TCF3: variants seen among roughly 807,000 people sequenced by gnomAD.
TCF3 encodes the protein transcription factor E2-alpha.
Under a neutral mutation model 72.3 loss-of-function variants are expected in TCF3, and 54 were observed. The ratio of observed to expected loss-of-function variants is 0.75; its 90% CI spans 0.60 to 0.94. TCF3 has a LOEUF of 0.94. TCF3 is among the 40% of genes least tolerant of loss of function. The probability of loss-of-function intolerance (pLI) is 0.00; values close to 1 mark genes in which losing one functional copy is unlikely to be tolerated. For synonymous variants in TCF3, 525 were observed against 412.6 expected, an observed-to-expected ratio of 1.27 and a Z score of -3.30; for missense variants, 1,078 against 934.4, an observed-to-expected ratio of 1.15 and a Z score of -2.00.
At chr19:1,632,220 T>C in intron 4 of TCF3, 104 bp from the exon 5 acceptor site, 1 of 1,548,384 alleles carries the variant, frequency 6.5e-7, no homozygotes, top group South Asian at 1.2e-5. Flanking sequence ...TGTCCCCCAG[T>C]CCAAACCCCT....
Position 1,622,417 on chromosome 19 carries a change from TGCGG to T in TCF3, c.550-6_550-3del. 1.5e-6 allele frequency: 1 copy of T among 682,122 alleles called. No homozygotes were observed. The highest frequency in any genetic ancestry group is 2.1e-6 in the Non-Finnish European group (1 of 471,028). The allele number at this position is 682,122 out of a possible 1,614,324, so 42.3% of individuals were successfully genotyped here. A position where few individuals can be genotyped will look rare whatever the true frequency, so the allele number is the denominator to read the frequency against. ...CTCACCTGAGCTGGGTGGGTACACC[TGCGG>T]GCGGGTGGGCGGTGGGGGGTGCAGT... is the stretch of plus-strand genomic sequence containing the variant. On this transcript the variant is annotated splice_region_variant and splice_polypyrimidine_tract_variant and intron_variant, in intron 8 of 18. Coordinates refer to ENST00000262965, the MANE Select transcript of TCF3 (RefSeq NM_003200.5).
intron 3 of TCF3, among the ~76,000 whole-genome samples, chr19:1,642,298 ACACACACC>A (rs1456479218): frequency 6.6e-6 from 1 of 150,986 alleles, no homozygotes; most frequent in Non-Finnish European, 1.5e-5. Context: ...ACACGCACAG[ACACACACC>A]CGCACGCACA....
intron 1 of TCF3, among the ~76,000 whole-genome samples, chr19:1,652,009 C>G (rs1193667272): frequency 1.3e-5 from 2 of 150,734 alleles, no homozygotes; most frequent in Non-Finnish European, 3.0e-5. Context: ...CACAGCCCGT[C>G]CGGCGCCCCC....
chr19:1,631,030 G>C (rs979140830), intron 5 of TCF3, among the ~76,000 whole-genome samples: 1 of 152,210 alleles, frequency 6.6e-6, no homozygotes, highest in Non-Finnish European at 1.5e-5. Flanking sequence ...CCCAAGCGTC[G>C]GTTCGTTCCC....
At chr19:1,620,743 G>A (rs2062091474) in intron 13 of TCF3, among the ~76,000 whole-genome samples, 1 of 152,168 alleles carries the variant, frequency 6.6e-6, no homozygotes, top group African/African-American at 2.4e-5. Context: ...TTGCCCAGTG[G>A]AACACAAGCC....
chr19:1,635,427 G>A (rs183647236), intron 3 of TCF3, among the ~76,000 whole-genome samples: 9 of 152,060 alleles, frequency 5.9e-5, no homozygotes, highest in East Asian at 5.8e-4. Flanking sequence ...GCTCCCCACC[G>A]TCCTCAGGAT....
At chr19:1,638,106 G>C (rs987996880) in intron 3 of TCF3, among the ~76,000 whole-genome samples, 5 of 152,154 alleles carry the variant, frequency 3.3e-5, no homozygotes, top group African/African-American at 7.2e-5. Flanking sequence ...ATTTAATTAC[G>C]AATCAAGAGA....
intron 3 of TCF3, among the ~76,000 whole-genome samples, chr19:1,642,483 G>A (rs762976908): frequency 1.3e-5 from 2 of 152,164 alleles, no homozygotes; most frequent in Admixed American, 1.3e-4. Flanking sequence ...TGTGAATCCC[G>A]AAAGACTTCA....
At position 1,622,298 on chromosome 19, in the gene TCF3, C is replaced by T. The variant is rs548256939; in HGVS notation, c.652+15G>A. On this transcript the variant is annotated intron_variant, in intron 9 of 18. Transcript: ENST00000262965. ...TGCCCTACCGTCCCTGGCGAGCCCC[C>T]GCCCTGCCATGTACCTGCCACGTAG... 2.2e-5 allele frequency: 34 copies of T among 1,513,306 alleles called. No homozygotes were observed. Among genetic ancestry groups the T allele is most frequent in the Non-Finnish European group, 2.7e-5 (30 of 1,128,722 alleles). 93.7% of individuals were successfully genotyped at this position (1,513,306 alleles called of 1,614,324 possible).
Position 1,619,986 on chromosome 19 carries a change from C to T in TCF3, c.1094-133G>A, listed in dbSNP as rs951808705. 5.1e-6 allele frequency: 4 copies of T among 779,230 alleles called. No homozygotes were observed. The African/African-American group carries it at 5.2e-5, about 10-fold the overall frequency. 48.3% of individuals were successfully genotyped at this position (779,230 alleles called of 1,614,324 possible). On this transcript the variant is annotated intron_variant, in intron 13 of 18. Coordinates refer to ENST00000262965, the MANE Select transcript of TCF3 (RefSeq NM_003200.5). ...GATGCCCAAGATGGCCATTCCGGGGCACCCCACACTGATGCAAAGCTGCTC... is the reference window on the plus strand; with the variant it reads ...GATGCCCAAGATGGCCATTCCGGGGTACCCCACACTGATGCAAAGCTGCTC...
At position 1,648,235 on chromosome 19, in the gene TCF3, C is replaced by T. The variant is rs138323979; in HGVS notation, c.73-1808G>A. Among the ~76,000 whole-genome samples the T allele has an allele frequency of 3.8e-4, 58 of 152,342 alleles. 1 individual carries two copies. In the East Asian group the frequency reaches 9.1e-3, roughly 24 times the overall value. ...AAGTGCTTCCCCTAGGACCCAGCCT[C>T]GGCAGGGGCAGAAGGCAGGCATGCA... is the stretch of plus-strand genomic sequence containing the variant. On this transcript the variant is annotated intron_variant, in intron 2 of 18. Transcript: ENST00000262965.
intron 2 of TCF3, among the ~76,000 whole-genome samples, chr19:1,649,964 G>A (rs760829548): frequency 2.0e-5 from 3 of 152,184 alleles, no homozygotes; most frequent in Non-Finnish European, 4.4e-5. Context: ...GTAGAATGCT[G>A]CGTCCGGGCA....
At chr19:1,646,302 C>G in intron 3 of TCF3, 53 bp downstream of exon 3, 1 of 1,529,024 alleles carries the variant, frequency 6.5e-7, no homozygotes, top group Non-Finnish European at 8.9e-7. Context: ...CTGTCTTCAA[C>G]AGACCCTTGA....
chr19:1,651,779 G>T (rs1253787810), intron 1 of TCF3, among the ~76,000 whole-genome samples: 6 of 151,772 alleles, frequency 4.0e-5, no homozygotes, highest in Non-Finnish European at 7.4e-5. Context: ...GCATTAACGC[G>T]GAGCAGATGT....
chr19:1,622,839 C>T (rs1021407061), intron 8 of TCF3, among the ~76,000 whole-genome samples: 1 of 152,230 alleles, frequency 6.6e-6, no homozygotes, highest in African/African-American at 2.4e-5. Flanking sequence ...GAGCAACATT[C>T]GTCCTTCACT....
In TCF3 at chr19:1,638,988, C is replaced by T. The variant is rs190953146; in HGVS notation, c.146-6583G>A. On this transcript the variant is annotated intron_variant, in intron 3 of 18. Transcript: ENST00000262965. ...TACAACCAGGAGCACAAAGATCTGC[C>T]AAGCCACACCAACAAAAAGGAAGGG... Among the ~76,000 whole-genome samples, 938 of 152,166 alleles carry T rather than the reference C, an allele frequency of 6.2e-3. 16 individuals are homozygous for T. The highest frequency in any genetic ancestry group is 0.021 in the African/African-American group (885 of 41,544).
chr19:1,634,413 C>A (rs770831122), intron 3 of TCF3, among the ~76,000 whole-genome samples: 2 of 152,238 alleles, frequency 1.3e-5, no homozygotes, highest in Non-Finnish European at 2.9e-5. Context: ...GCCTGGCTGC[C>A]TCGGGAGAGG....
intron 6 of TCF3, among the ~76,000 whole-genome samples, chr19:1,626,709 G>C (rs559863571): frequency 1.3e-5 from 2 of 152,350 alleles, no homozygotes; most frequent in South Asian, 4.1e-4. Flanking sequence ...CCTCGTTGCG[G>C]GGACTGATAG....
chr19:1,643,129 A>C (rs546351616), intron 3 of TCF3, among the ~76,000 whole-genome samples: 1 of 152,260 alleles, frequency 6.6e-6, no homozygotes, highest in African/African-American at 2.4e-5. Context: ...GGGTGGGAGA[A>C]GGCGTACGAA....
Sources: gnomAD v4.1 joint callset for allele counts (sites outside exome capture counted in the v4.1 genomes callset) on GRCh38, gnomAD v4.1.1 for gene constraint, MANE v1.5 for transcripts, NCBI Gene and HGNC (gene_info 2026-07-23, HGNC 2026-07-21) for gene names.